GALK2: variants seen among roughly 807,000 people sequenced by gnomAD.
GALK2 encodes galactokinase 2, also known as N-acetylgalactosamine kinase.
Under a neutral mutation model 52.4 loss-of-function variants are expected in GALK2, and 36 were observed. The ratio of observed to expected loss-of-function variants is 0.69; its 90% CI spans 0.53 to 0.91. The LOEUF is 0.91. Ranked by LOEUF, GALK2 falls within the 40% of genes least tolerant of loss-of-function variation. GALK2 has a pLI of 0.00. For missense variants in GALK2, 579 were observed against 559.1 expected, an observed-to-expected ratio of 1.04 and a Z score of -0.36; for synonymous variants, 176 against 199.1, an observed-to-expected ratio of 0.88 and a Z score of 0.98.
intron 3 of GALK2, among the ~76,000 whole-genome samples, 172 bp downstream of exon 3, chr15:49,217,485 A>T (rs928492120): frequency 6.6e-6 from 1 of 152,222 alleles, no homozygotes; most frequent in Non-Finnish European, 1.5e-5. Flanking sequence ...TCATTTGTCA[A>T]TTCATTTAAG....
rs189992448 is a variant in GALK2 at position 49,195,680 on chromosome 15, G to T, written c.54-5482G>T. Among the ~76,000 whole-genome samples the T allele has an allele frequency of 6.3e-3, 953 of 152,230 alleles. 9 individuals carry two copies. Among genetic ancestry groups the T allele is most frequent in the Non-Finnish European group, 0.01 (706 of 68,010 alleles). On this transcript the variant is annotated intron_variant, in intron 1 of 9. Transcript: ENST00000560031. ...TTATAAGGCTTTCTGGGGGAGCATGGCAGGTTGCCTAAGCTGGTCCAAAAC... is the reference window on the plus strand; with the variant it reads ...TTATAAGGCTTTCTGGGGGAGCATGTCAGGTTGCCTAAGCTGGTCCAAAAC...
chr15:49,263,696 A>G (rs951923826), intron 5 of GALK2, among the ~76,000 whole-genome samples: 3 of 129,778 alleles, frequency 2.3e-5, no homozygotes, highest in African/African-American at 9.3e-5. Context: ...ATGATTTTGC[A>G]GCGGCTGGTA....
Position 49,225,134 on chromosome 15 carries a change from A to G in GALK2, c.266+7821A>G, listed in dbSNP as rs1188201868. On this transcript the variant is annotated intron_variant, in intron 3 of 9. Coordinates refer to ENST00000560031, the MANE Select transcript of GALK2 (RefSeq NM_002044.4). Reference sequence around the variant, plus strand: ...GGGGGAGACAGATGACCCTCTCAGCAGGTCTGTTCCTGAGCTTTGAGGAAG... The same window carrying G: ...GGGGGAGACAGATGACCCTCTCAGCGGGTCTGTTCCTGAGCTTTGAGGAAG... 2.0e-5 allele frequency: 9 copies of G among 448,076 alleles called. No homozygotes were observed. In the East Asian group the frequency reaches 6.3e-4, roughly 31 times the overall value. 27.8% of individuals were successfully genotyped at this position (448,076 alleles called of 1,614,324 possible). A position where few individuals can be genotyped will look rare whatever the true frequency, so the allele number is the denominator to read the frequency against.
intron 3 of GALK2, among the ~76,000 whole-genome samples, chr15:49,231,560 A>G (rs2090504111): frequency 6.6e-6 from 1 of 152,182 alleles, no homozygotes; most frequent in South Asian, 2.1e-4. Flanking sequence ...TTACAAGTCC[A>G]CAGTCCAAAA....
chr15:49,350,379 G>T (rs1314252518), intron 3 of GALK2, among the ~76,000 whole-genome samples: 1 of 152,142 alleles, frequency 6.6e-6, no homozygotes, highest in South Asian at 2.1e-4. Flanking sequence ...ATACCTGTGT[G>T]CACATACTTA....
chr15:49,191,118 G>T (rs2086691717), intron 1 of GALK2, among the ~76,000 whole-genome samples: 1 of 152,070 alleles, frequency 6.6e-6, no homozygotes, highest in African/African-American at 2.4e-5. Flanking sequence ...TAGACAAAGG[G>T]CTGAAAAAAG....
At chr15:49,231,339 G>A (rs1251029627) in intron 3 of GALK2, among the ~76,000 whole-genome samples, 2 of 152,130 alleles carry the variant, frequency 1.3e-5, no homozygotes, top group Non-Finnish European at 2.9e-5. Context: ...GAGTACCAAA[G>A]GGGGAAATCC....
At chr15:49,272,657 A>T (rs925414269) in intron 5 of GALK2, among the ~76,000 whole-genome samples, 3 of 152,174 alleles carry the variant, frequency 2.0e-5, no homozygotes, top group African/African-American at 7.2e-5. Flanking sequence ...ACACATTTGC[A>T]CATCCAGAGT....
At chr15:49,331,900 G>T (rs112313330), downstream of GALK2, 6 of 1,051,672 alleles carry the variant, frequency 5.7e-6, no homozygotes, top group South Asian at 5.1e-5. Context: ...TCCTTATATT[G>T]ACACCATCTA....
chr15:49,238,303 T>C (rs902006485), intron 4 of GALK2, among the ~76,000 whole-genome samples: 17 of 152,222 alleles, frequency 1.1e-4, no homozygotes, highest in Non-Finnish European at 2.5e-4. Context: ...AGTGTCCTAG[T>C]GTTAGAAAGT....
chr15:49,170,976 GA>G, intron 1 of GALK2, among the ~76,000 whole-genome samples: 1 of 152,024 alleles, frequency 6.6e-6, no homozygotes, highest in Non-Finnish European at 1.5e-5. Flanking sequence ...CTCATAAAAT[GA>G]AGTCTGTCAC....
At chr15:49,197,877 C>T (rs1205438798) in intron 1 of GALK2, among the ~76,000 whole-genome samples, 3 of 151,980 alleles carry the variant, frequency 2.0e-5, no homozygotes, top group Non-Finnish European at 1.5e-5. Flanking sequence ...TTAAAACACC[C>T]TTAGAAAATA....
At chr15:49,325,785 G>C (rs549292102) in intron 9 of GALK2, among the ~76,000 whole-genome samples, 2 of 152,328 alleles carry the variant, frequency 1.3e-5, no homozygotes, top group South Asian at 2.1e-4. Flanking sequence ...TTCATCTGTA[G>C]CAGGCAGGGT....
At chr15:49,336,922 T>C (rs1014652060) in intron 3 of GALK2, among the ~76,000 whole-genome samples, 4 of 152,198 alleles carry the variant, frequency 2.6e-5, no homozygotes, top group Non-Finnish European at 4.4e-5. Context: ...GAGTACCCAA[T>C]ATTTAGCTCC....
chr15:49,234,793 A>C (rs1331231633), intron 3 of GALK2, among the ~76,000 whole-genome samples: 1 of 151,528 alleles, frequency 6.6e-6, no homozygotes, highest in African/African-American at 2.4e-5. Flanking sequence ...TTGAGACGGA[A>C]TCTTGCTCTG....
intron 7 of GALK2, among the ~76,000 whole-genome samples, chr15:49,284,617 C>T (rs1385488580): frequency 6.6e-6 from 1 of 152,200 alleles, no homozygotes; most frequent in African/African-American, 2.4e-5. Context: ...GACTTATGAT[C>T]AACCTTTACC....
chr15:49,366,224 T>C (rs969714279), intron 3 of GALK2: 2 of 788,080 alleles, frequency 2.5e-6, no homozygotes, highest in Non-Finnish European at 4.7e-6. Flanking sequence ...AGTAATGTTA[T>C]TTCCTAGAGT....
intron 5 of GALK2, among the ~76,000 whole-genome samples, chr15:49,256,772 A>G (rs999183343): frequency 3.9e-5 from 6 of 152,230 alleles, no homozygotes; most frequent in African/African-American, 1.4e-4. Context: ...TATTGTAAAG[A>G]TGTTTCCCTC....
At chr15:49,194,610 T>C (rs1366489408) in intron 1 of GALK2, among the ~76,000 whole-genome samples, 1 of 151,818 alleles carries the variant, frequency 6.6e-6, no homozygotes, top group Non-Finnish European at 1.5e-5. Flanking sequence ...TTTTTTTTTT[T>C]TTGAGATGGA....
Sources: gnomAD v4.1 joint callset for allele counts (sites outside exome capture counted in the v4.1 genomes callset) on GRCh38, gnomAD v4.1.1 for gene constraint, MANE v1.5 for transcripts, NCBI Gene and HGNC (gene_info 2026-07-23, HGNC 2026-07-21) for gene names.